Variants in NEGR1 observed in about 807,000 individuals in gnomAD.
NEGR1 encodes IgLON family member 4.
In NEGR1, 10 loss-of-function variants were observed where a neutral mutation model predicts 40.9. That is an observed-to-expected ratio of 0.24 (90% CI 0.15 to 0.42). The LOEUF is 0.42. NEGR1 is among the 10% of genes least tolerant of loss of function. The pLI is 1.00. For synonymous variants in NEGR1, 185 were observed against 166.8 expected (o/e 1.11, Z -0.84); for missense variants, 352 against 438.9 (o/e 0.80, Z 1.77).
At chr1:71,567,163 G>A (rs1179793393) in intron 6 of NEGR1, among the ~76,000 whole-genome samples, 2 of 152,124 alleles carry the variant, frequency 1.3e-5, no homozygotes, top group Non-Finnish European at 2.9e-5. Flanking sequence ...GACCAATGCA[G>A]ACCCACAACA....
intron 1 of NEGR1, among the ~76,000 whole-genome samples, chr1:71,997,761 C>G (rs1460263345): frequency 6.6e-6 from 1 of 151,880 alleles, no homozygotes; most frequent in Admixed American, 6.6e-5. Context: ...CATCTTCTTT[C>G]CATTTGCATA....
At chr1:72,186,933 G>A (rs2100422037) in intron 1 of NEGR1, among the ~76,000 whole-genome samples, 1 of 151,640 alleles carries the variant, frequency 6.6e-6, no homozygotes, top group East Asian at 1.9e-4. Context: ...TATCCATATT[G>A]TTACTTTTCT....
Position 72,081,284 on chromosome 1 carries a change from C to CTAATGAG in NEGR1, c.177-145980_177-145974dup, listed in dbSNP as rs200034552. 8.4e-3 allele frequency among the ~76,000 whole-genome samples: 1,273 copies of CTAATGAG among 152,152 alleles called. 17 individuals carry two copies. Among genetic ancestry groups the CTAATGAG allele is most frequent in the African/African-American group, 0.029 (1,215 of 41,544 alleles). ...ATGCCCTCCTCAAGTCTTGCCCTAT[C>CTAATGAG]TAATGAGGGTTGTCTAAAGAATGGA... is the stretch of plus-strand genomic sequence containing the variant. On this transcript the variant is annotated intron_variant, in intron 1 of 6. Coordinates refer to ENST00000357731, the MANE Select transcript of NEGR1 (RefSeq NM_173808.3).
chr1:71,617,853 C>A (rs1344375438), intron 4 of NEGR1, among the ~76,000 whole-genome samples: 2 of 152,154 alleles, frequency 1.3e-5, no homozygotes, highest in African/African-American at 4.8e-5. Context: ...GATAACTGAG[C>A]AGAGTATCTG....
At chr1:71,467,021 T>C (rs778167227) in intron 6 of NEGR1, among the ~76,000 whole-genome samples, 14 of 152,138 alleles carry the variant, frequency 9.2e-5, no homozygotes, top group Non-Finnish European at 1.8e-4. Flanking sequence ...TTTTTGTTTA[T>C]GTCATGGCCA....
intron 1 of NEGR1, among the ~76,000 whole-genome samples, chr1:72,011,502 T>C (rs182779203): frequency 2.0e-5 from 3 of 152,210 alleles, no homozygotes; most frequent in Non-Finnish European, 4.4e-5. Flanking sequence ...TGGAAATATT[T>C]CCAACATTTA....
intron 1 of NEGR1, among the ~76,000 whole-genome samples, chr1:72,175,514 A>C (rs886327831): frequency 1.3e-5 from 2 of 152,100 alleles, no homozygotes; most frequent in African/African-American, 4.8e-5. Context: ...CTTCCTCTTT[A>C]AAAAAATCTA....
intron 2 of NEGR1, among the ~76,000 whole-genome samples, chr1:71,850,851 AC>A (rs1390216101): frequency 6.6e-6 from 1 of 152,150 alleles, no homozygotes; most frequent in African/African-American, 2.4e-5. Flanking sequence ...CCTCACTAAA[AC>A]ATACTTAAAA....
chr1:71,618,415 T>G (rs1650510265), intron 4 of NEGR1, among the ~76,000 whole-genome samples: 1 of 152,076 alleles, frequency 6.6e-6, no homozygotes, highest in East Asian at 1.9e-4. Flanking sequence ...ATATCCTGGG[T>G]TGCCACAAAG....
At chr1:71,969,859 T>C (rs1228338922) in intron 1 of NEGR1, among the ~76,000 whole-genome samples, 1 of 152,248 alleles carries the variant, frequency 6.6e-6, no homozygotes, top group Non-Finnish European at 1.5e-5. Context: ...TTTTCTGCCT[T>C]TGCTTTATCT....
Position 71,520,009 on chromosome 1 carries a change from A to G in NEGR1, c.940+72808T>C, listed in dbSNP as rs185572760. On this transcript the variant is annotated intron_variant, in intron 6 of 6. Transcript: ENST00000357731. ...TTATTTGAGGATTATCTAATACACA[A>G]AAAAGACAAAATTTCAACTTTTTTC... Among the ~76,000 whole-genome samples the G allele has an allele frequency of 2.7e-3, 410 of 152,264 alleles. 3 individuals are homozygous for G. The highest frequency in any genetic ancestry group is 6.4e-3 in the Admixed American group (98 of 15,284).
At chr1:72,177,803 A>G (rs1314554486) in intron 1 of NEGR1, among the ~76,000 whole-genome samples, 1 of 151,184 alleles carries the variant, frequency 6.6e-6, no homozygotes, top group Non-Finnish European at 1.5e-5. Flanking sequence ...CAAGCCTTCT[A>G]AAAATTTCAA....
intron 2 of NEGR1, among the ~76,000 whole-genome samples, chr1:71,827,666 T>C (rs1470944585): frequency 1.3e-5 from 2 of 151,940 alleles, no homozygotes; most frequent in Non-Finnish European, 2.9e-5. Flanking sequence ...AAACATTTGT[T>C]TCCAAAATTA....
At chr1:72,025,207 G>A (rs2100427134) in intron 1 of NEGR1, among the ~76,000 whole-genome samples, 1 of 152,132 alleles carries the variant, frequency 6.6e-6, no homozygotes, top group Middle Eastern at 3.4e-3. Flanking sequence ...ATCAAAAAAA[G>A]CCAGAAGCTG....
chr1:72,177,270 G>A (rs1175124085), intron 1 of NEGR1, among the ~76,000 whole-genome samples: 1 of 152,002 alleles, frequency 6.6e-6, no homozygotes, highest in African/African-American at 2.4e-5. Flanking sequence ...AGGATTCAAA[G>A]CCAGGCACAG....
At chr1:71,762,247 A>C (rs1655971533) in intron 3 of NEGR1, among the ~76,000 whole-genome samples, 1 of 151,532 alleles carries the variant, frequency 6.6e-6, no homozygotes, top group African/African-American at 2.4e-5. Context: ...GGAAAAAGAA[A>C]ATAGAGAAAC....
At chr1:71,765,167 T>C (rs144576927) in intron 3 of NEGR1, among the ~76,000 whole-genome samples, 59 of 152,190 alleles carry the variant, frequency 3.9e-4, no homozygotes, top group African/African-American at 1.1e-3. Flanking sequence ...ACCTGCACAG[T>C]TGGTCAACAG....
intron 1 of NEGR1, among the ~76,000 whole-genome samples, chr1:72,170,154 A>G (rs935897444): frequency 6.6e-6 from 1 of 152,186 alleles, no homozygotes; most frequent in African/African-American, 2.4e-5. Flanking sequence ...GTTCCTCCAC[A>G]GCGCTCAGGG....
At chr1:71,810,213 C>G (rs1657945583) in intron 2 of NEGR1, among the ~76,000 whole-genome samples, 1 of 152,054 alleles carries the variant, frequency 6.6e-6, no homozygotes, top group Admixed American at 6.6e-5. Flanking sequence ...TTAAGCTTTC[C>G]TTTGTGTTCT....
Sources: gnomAD v4.1 joint callset for allele counts (sites outside exome capture counted in the v4.1 genomes callset) on GRCh38, gnomAD v4.1.1 for gene constraint, MANE v1.5 for transcripts, NCBI Gene and HGNC (gene_info 2026-07-23, HGNC 2026-07-21) for gene names.